Variants in TAF4B observed in about 807,000 individuals in gnomAD.
TAF4B encodes transcription initiation factor TFIID subunit 4B.
A neutral mutation model predicts 86.4 loss-of-function variants in TAF4B; 38 were observed. The ratio of observed to expected loss-of-function variants is 0.44; its 90% CI spans 0.34 to 0.58. The LOEUF is 0.58. TAF4B is among the 20% of genes least tolerant of loss of function. The pLI is 0.02. For missense variants in TAF4B, 988 were observed against 1,027.6 expected, an observed-to-expected ratio of 0.96 and a Z score of 0.53; for synonymous variants, 388 against 391.2, an observed-to-expected ratio of 0.99 and a Z score of 0.10.
chr18:26,234,730 C>T (rs2055723065), intron 1 of TAF4B, among the ~76,000 whole-genome samples: 1 of 152,184 alleles, frequency 6.6e-6, no homozygotes, highest in Non-Finnish European at 1.5e-5. Flanking sequence ...GGCAGTCATG[C>T]TCGATTGGTT....
intron 14 of TAF4B, among the ~76,000 whole-genome samples, chr18:26,364,347 T>C (rs993335515): frequency 2.0e-5 from 3 of 152,112 alleles, no homozygotes; most frequent in African/African-American, 7.2e-5. Context: ...GTCCTTTCCT[T>C]TTGCTGCTGT....
In TAF4B at chr18:26,328,330, T is replaced by C. The variant is rs182056996; in HGVS notation, c.2259+1190T>C. Reference sequence around the variant, plus strand: ...CGGGTGTGGTGGTGCACGCCTGTAGTCTCAGCTACTCAGGAGGCTGAGGCA... The same window carrying C: ...CGGGTGTGGTGGTGCACGCCTGTAGCCTCAGCTACTCAGGAGGCTGAGGCA... On this transcript the variant is annotated intron_variant, in intron 12 of 14. Coordinates refer to ENST00000269142, the MANE Select transcript of TAF4B (RefSeq NM_005640.3). 7.4e-4 allele frequency among the ~76,000 whole-genome samples: 112 copies of C among 152,088 alleles called. 1 individual carries two copies. Among genetic ancestry groups the C allele is most frequent in the Non-Finnish European group, 7.1e-4 (48 of 67,996 alleles).
intron 9 of TAF4B, among the ~76,000 whole-genome samples, chr18:26,304,189 T>A (rs2056771054): frequency 1.3e-5 from 2 of 150,836 alleles, no homozygotes; most frequent in Non-Finnish European, 3.0e-5. Context: ...TTTTTTGCTT[T>A]GAAGATGTTA....
chr18:26,355,480 T>C (rs2057281439), intron 13 of TAF4B, among the ~76,000 whole-genome samples: 1 of 152,230 alleles, frequency 6.6e-6, no homozygotes, highest in Non-Finnish European at 1.5e-5. Flanking sequence ...TTTTACTGTT[T>C]TGTGCTTGTC....
chr18:26,299,672 GT>G (rs937761451), intron 9 of TAF4B, among the ~76,000 whole-genome samples: 61 of 152,056 alleles, frequency 4.0e-4, no homozygotes, highest in African/African-American at 1.4e-3. Context: ...TTGGGAGAAT[GT>G]TTTTTGACAA....
chr18:26,323,721 T>G (rs1271841145), intron 11 of TAF4B, among the ~76,000 whole-genome samples: 1 of 152,210 alleles, frequency 6.6e-6, no homozygotes, highest in Admixed American at 6.5e-5. Context: ...TTAAGGGTTT[T>G]GTACTTAAAG....
chr18:26,383,047 A>G (rs984014831), intron 14 of TAF4B, among the ~76,000 whole-genome samples: 2 of 152,150 alleles, frequency 1.3e-5, no homozygotes, highest in African/African-American at 2.4e-5. Context: ...AATTGTCTGT[A>G]TCAAAAAGGA....
Position 26,262,331 on chromosome 18 carries a change from G to C in TAF4B, c.344-2839G>C, listed in dbSNP as rs114722003. ...CTTCTTGGCCACACTCCCTGGAATG[G>C]AATTTCTGTCATGTTGAGCTGAGAA... is the stretch of plus-strand genomic sequence containing the variant. On this transcript the variant is annotated intron_variant, in intron 1 of 14. Coordinates refer to ENST00000269142, the MANE Select transcript of TAF4B (RefSeq NM_005640.3). Among the ~76,000 whole-genome samples, 1,001 of 152,208 alleles carry C rather than the reference G, an allele frequency of 6.6e-3. 5 individuals are homozygous for C. Among genetic ancestry groups the C allele is most frequent in the African/African-American group, 0.022 (922 of 41,532 alleles).
rs148364001 is a variant in TAF4B, at chr18:26,371,320, G to A, written c.2421+13526G>A. On this transcript the variant is annotated intron_variant, in intron 14 of 14. Coordinates refer to ENST00000269142, the MANE Select transcript of TAF4B (RefSeq NM_005640.3). Reference sequence around the variant, plus strand: ...AGAAAACTGTGGTCCCCTGTAGCCCGGTAGAAGAGAATGGAGGTAAAGACC... The same window carrying A: ...AGAAAACTGTGGTCCCCTGTAGCCCAGTAGAAGAGAATGGAGGTAAAGACC... 1.1e-4 allele frequency among the ~76,000 whole-genome samples: 16 copies of A among 152,282 alleles called. No individual in the cohort carries two copies. In the East Asian group the frequency reaches 2.7e-3, roughly 26 times the overall value.
chr18:26,241,192 C>G (rs536584876), intron 1 of TAF4B, among the ~76,000 whole-genome samples: 2 of 152,262 alleles, frequency 1.3e-5, no homozygotes, highest in East Asian at 3.9e-4. Context: ...TGGTAGAATT[C>G]GGCTGTGAAT....
At chr18:26,228,768 C>T (rs1457818223) in intron 1 of TAF4B, among the ~76,000 whole-genome samples, 1 of 152,048 alleles carries the variant, frequency 6.6e-6, no homozygotes, top group African/African-American at 2.4e-5. Context: ...CTGTTCCTCC[C>T]CATCCCTCCC....
intron 14 of TAF4B, among the ~76,000 whole-genome samples, chr18:26,373,635 A>G (rs2057421421): frequency 6.6e-6 from 1 of 152,150 alleles, no homozygotes; most frequent in Non-Finnish European, 1.5e-5. Context: ...TCAATACTGG[A>G]TATTATTATT....
At chr18:26,268,383 A>G (rs189730449) in intron 3 of TAF4B, among the ~76,000 whole-genome samples, 1 of 152,302 alleles carries the variant, frequency 6.6e-6, no homozygotes, top group East Asian at 1.9e-4. Flanking sequence ...CCACTGCTGC[A>G]GCTGGTTTCT....
intron 13 of TAF4B, among the ~76,000 whole-genome samples, chr18:26,341,814 A>G (rs539161893): frequency 6.6e-6 from 1 of 152,294 alleles, no homozygotes; most frequent in East Asian, 1.9e-4. Flanking sequence ...AAGTTAAGAT[A>G]AGGTGGACTG....
In TAF4B at chr18:26,226,601, C is replaced by A; in HGVS notation, c.-333C>A. The A allele has an allele frequency of 4.4e-6, 1 of 229,260 alleles. No homozygotes were observed. 14.2% of individuals were successfully genotyped at this position (229,260 alleles called of 1,614,324 possible). On this transcript the variant is annotated 5_prime_UTR_variant, in exon 1 of 15. Transcript: ENST00000269142. ...GTGTGAGCGACGACCTTCCGGGAGC[C>A]GCAAGTCCAGGCTCCCCCGCAGCGG...
At chr18:26,301,935 A>G (rs1465344101) in intron 9 of TAF4B, among the ~76,000 whole-genome samples, 3 of 151,962 alleles carry the variant, frequency 2.0e-5, no homozygotes, top group Admixed American at 6.6e-5. Context: ...TGCCCAGAGG[A>G]AAAAAAACAT....
At chr18:26,293,676 A>T (rs2056625359) in intron 9 of TAF4B, 145 bp downstream of exon 9, 1 of 546,666 alleles carries the variant, frequency 1.8e-6, no homozygotes, top group African/African-American at 2.0e-5. Context: ...ATTTATAAAC[A>T]ATAAAATGCA....
At chr18:26,359,688 C>T (rs986969666) in intron 14 of TAF4B, among the ~76,000 whole-genome samples, 2 of 152,092 alleles carry the variant, frequency 1.3e-5, no homozygotes, top group African/African-American at 4.8e-5. Flanking sequence ...CCGCCCTGCT[C>T]CAGCGACCGT....
chr18:26,354,108 C>T (rs1377218397), intron 13 of TAF4B, among the ~76,000 whole-genome samples: 1 of 152,198 alleles, frequency 6.6e-6, no homozygotes. Context: ...TAGAATCTCA[C>T]TCTGTTGCCC....
Sources: allele counts gnomAD v4.1 joint callset (sites outside exome capture counted in the v4.1 genomes callset), GRCh38; gene constraint gnomAD v4.1.1; transcripts MANE v1.5; gene names NCBI Gene and HGNC (gene_info 2026-07-23, HGNC 2026-07-21).